LMOD3: variants seen among roughly 807,000 people sequenced by gnomAD.
LMOD3 encodes leiomodin-3.
LMOD3 carries 31 observed loss-of-function variants against 41.8 expected under a neutral mutation model. The ratio of observed to expected loss-of-function variants is 0.74; its 90% confidence interval spans 0.56 to 1.00. LMOD3 has a LOEUF of 1.00. Among genes scored for constraint, LMOD3 ranks in the 50% least tolerant of loss-of-function variants. The pLI is 0.00. For synonymous variants in LMOD3, 292 were observed against 241.9 expected (o/e 1.21, Z -1.92); for missense variants, 755 against 679.5 (o/e 1.11, Z -1.23).
chr3:69,109,063 T>C lies in LMOD3; in HGVS notation c.*32A>G, dbSNP rs921555866. On this transcript the variant is annotated 3_prime_UTR_variant, in exon 3 of 3. Coordinates refer to ENST00000420581, the MANE Select transcript of LMOD3 (RefSeq NM_198271.5). ...TGTAATCCAAGAGTCACTATTTCCA[T>C]TTCTTGTTCTTCTAGATGGCTCTGT... The C allele has an allele frequency of 6.3e-7, 1 of 1,574,888 alleles. No individual in the cohort carries two copies. The highest frequency in any genetic ancestry group is 2.3e-5 in the East Asian group (1 of 43,762).
chr3:69,114,996 G>A (rs2107523438), intron 2 of LMOD3, among the ~76,000 whole-genome samples: 1 of 152,230 alleles, frequency 6.6e-6, no homozygotes, highest in Admixed American at 6.5e-5. Flanking sequence ...CTCTTGTGTA[G>A]CTGGTACCAC....
chr3:69,118,277 C>G (rs577618070), intron 2 of LMOD3, among the ~76,000 whole-genome samples: 1 of 152,222 alleles, frequency 6.6e-6, no homozygotes, highest in South Asian at 2.1e-4. Context: ...GACTCAGAAC[C>G]GGGTTTCAAT....
At chr3:69,110,838 C>CAAAAAAAAAAAAAAAAAAAA (rs774402446) in intron 2 of LMOD3, among the ~76,000 whole-genome samples, 3 of 67,012 alleles carry the variant, frequency 4.5e-5, no homozygotes, top group African/African-American at 1.6e-4. Flanking sequence ...GACACCATCT[C>CAAAAAAAAAAAAAAAAAAAA]AAAAAAAAAA....
rs898638017 is a variant in LMOD3 at position 69,119,684 on chromosome 3, T to C, written c.671A>G (p.Asp224Gly). Residue 224 changes from aspartate to glycine, a missense_variant, in exon 2 of 3, where the codon GAC (aspartate) becomes GGC (glycine). Physicochemically the swap from Asp to Gly is moderately conservative, Grantham distance 94 (BLOSUM62 -1). Transcript: ENST00000420581. Reference protein sequence around the residue: ...SKLDPKKLALDTSFLKVSTRP... With the variant: ...SKLDPKKLALGTSFLKVSTRP... Reference sequence around the variant, plus strand: ...TGTACTTACCTTCAAAAAGCTGGTGTCTAGAGCTAACTTCTTAGGATCTAA... The same window carrying C: ...TGTACTTACCTTCAAAAAGCTGGTGCCTAGAGCTAACTTCTTAGGATCTAA... The C allele has an allele frequency of 1.2e-6, 2 of 1,614,006 alleles. No homozygotes were observed. The highest frequency in any genetic ancestry group is 1.7e-6 in the Non-Finnish European group (2 of 1,179,890).
chr3:69,119,714 G>C lies in LMOD3; in HGVS notation c.641C>G (p.Ser214Trp), dbSNP rs368487515. 2.5e-6 allele frequency: 4 copies of C among 1,613,676 alleles called. No individual in the cohort carries two copies. In the African/African-American group the frequency reaches 5.3e-5, roughly 22 times the overall value. The change falls in exon 2 of 3, where the codon TCG (serine) becomes TGG (tryptophan). Residue 214 changes from serine to tryptophan, a missense_variant. Transcript: ENST00000420581. Reference sequence around the variant, plus strand: ...AGCTAACTTCTTAGGATCTAATTTCGATATTTTTTTCTCACTTTGTTCTTG... The same window carrying C: ...AGCTAACTTCTTAGGATCTAATTTCCATATTTTTTTCTCACTTTGTTCTTG... ...EAQEQSEKKI[S>W]KLDPKKLALD... is the part of the protein sequence containing the mutation.
intron 2 of LMOD3, among the ~76,000 whole-genome samples, chr3:69,114,314 A>T (rs1200196871): frequency 6.6e-6 from 1 of 152,190 alleles, no homozygotes. Flanking sequence ...GCTTTACCAG[A>T]TCTGACCTCA....
chr3:69,119,773 T>C lies in LMOD3; in HGVS notation c.582A>G (p.Lys194=), dbSNP rs2092398102. 3 of 1,612,814 alleles carry C rather than the reference T, an allele frequency of 1.9e-6. 1 individual carries two copies. In the South Asian group the frequency reaches 3.3e-5, roughly 18 times the overall value. ...CENNCQQVTD[K]AFKEQRDRPE... Reference sequence around the variant, plus strand: ...GTCTGTCTCTCTGTTCTTTGAATGCTTTGTCAGTTACCTGCTGGCAGTTGT... The same window carrying C: ...GTCTGTCTCTCTGTTCTTTGAATGCCTTGTCAGTTACCTGCTGGCAGTTGT... Residue 194 remains lysine, a synonymous_variant, in exon 2 of 3, where the codon AAA becomes AAG. Coordinates refer to ENST00000420581, the MANE Select transcript of LMOD3 (RefSeq NM_198271.5).
intron 2 of LMOD3, among the ~76,000 whole-genome samples, chr3:69,116,313 C>T (rs538252786): frequency 2.4e-4 from 37 of 152,284 alleles, no homozygotes; most frequent in African/African-American, 8.7e-4. Flanking sequence ...GTAACTGAGA[C>T]ACATGCAAAC....
chr3:69,119,742 C>A lies in LMOD3; in HGVS notation c.613G>T (p.Ala205Ser). ...ATTTTTTTCTCACTTTGTTCTTGGGCCTCTGGTCTGTCTCTCTGTTCTTTG... is the reference window on the plus strand; with the variant it reads ...ATTTTTTTCTCACTTTGTTCTTGGGACTCTGGTCTGTCTCTCTGTTCTTTG... ...AFKEQRDRPE[A>S]QEQSEKKISK... Residue 205 changes from alanine to serine, a missense_variant, in exon 2 of 3, where the codon GCC (alanine) becomes TCC (serine). Coordinates refer to ENST00000420581, the MANE Select transcript of LMOD3 (RefSeq NM_198271.5). 6 of 1,613,790 alleles carry A rather than the reference C, an allele frequency of 3.7e-6. No homozygotes were observed. Among genetic ancestry groups the A allele is most frequent in the Non-Finnish European group, 4.2e-6 (5 of 1,179,822 alleles).
chr3:69,112,935 G>A (rs879734780), intron 2 of LMOD3, among the ~76,000 whole-genome samples: 2 of 152,132 alleles, frequency 1.3e-5, no homozygotes, highest in African/African-American at 4.8e-5. Context: ...ACACATCAAA[G>A]GCAAGCAATT....
chr3:69,115,855 G>A (rs777811890), intron 2 of LMOD3, among the ~76,000 whole-genome samples: 8 of 152,116 alleles, frequency 5.3e-5, no homozygotes, highest in South Asian at 2.1e-4. Flanking sequence ...TCTTAAAATC[G>A]ATGGTGTTTT....
chr3:69,122,216 T>G lies in LMOD3; in HGVS notation c.171A>C (p.Gln57His). ...SLPVGMIQKD[Q>H]TDKPPTGNFN... ...AGTTTCCTGTCGGTGGCTTGTCAGT[T>G]TGATCTTTCTGAATCATTCCCACGG... is the stretch of plus-strand genomic sequence containing the variant. The change falls in exon 1 of 3, where the codon CAA becomes CAC. Residue 57 changes from glutamine to histidine, a missense_variant. By Grantham distance (24) the Gln-to-His change is conservative. Coordinates refer to ENST00000420581, the MANE Select transcript of LMOD3 (RefSeq NM_198271.5). 2 of 1,613,632 alleles carry G rather than the reference T, an allele frequency of 1.2e-6. No individual in the cohort carries two copies. Among genetic ancestry groups the G allele is most frequent in the Non-Finnish European group, 1.7e-6 (2 of 1,179,792 alleles).
chr3:69,119,671 C>A lies in LMOD3; in HGVS notation c.684G>T (p.Leu228Phe). The change falls in exon 2 of 3, where the codon TTG becomes TTT. Residue 228 changes from leucine (L) to phenylalanine (F), a missense_variant. Leu to Phe is a conservative substitution (Grantham distance 22, BLOSUM62 0). Coordinates refer to ENST00000420581, the MANE Select transcript of LMOD3 (RefSeq NM_198271.5). ...PKKLALDTSF[L>F]KVSTRPSGNQ... ...TTCCTGAAGGCCTTGTACTTACCTT[C>A]AAAAAGCTGGTGTCTAGAGCTAACT... 1 of 1,613,936 alleles carries A rather than the reference C, an allele frequency of 6.2e-7. No homozygotes were observed. The highest frequency in any genetic ancestry group is 8.5e-7 in the Non-Finnish European group (1 of 1,179,862).
At chr3:69,110,853 A>AAAAAAAAAAAAAAAAAAAATATATAT (rs1458630453) in intron 2 of LMOD3, among the ~76,000 whole-genome samples, 1 of 104,120 alleles carries the variant, frequency 9.6e-6, no homozygotes, top group African/African-American at 4.8e-5. Flanking sequence ...AAAAAAAAAA[A>AAAAAAAAAAAAAAAAAAAATATATAT]ATATATATAT....
chr3:69,120,701 C>A (rs569874027), intron 1 of LMOD3, among the ~76,000 whole-genome samples: 1 of 151,464 alleles, frequency 6.6e-6, no homozygotes, highest in Non-Finnish European at 1.5e-5. Context: ...AGTTCTTTGA[C>A]AACTGCCATG....
At position 69,117,835 on chromosome 3, in the gene LMOD3, T is replaced by TTTG. The variant is rs796574103; in HGVS notation, c.1656+863_1656+864insCAA. ...AAACAACTGGCCCAATTTGGGTGGTTTTTTTTTTTTTTTTTTAGATGGAGT... is the reference window on the plus strand; with the variant it reads ...AAACAACTGGCCCAATTTGGGTGGTTTTGTTTTTTTTTTTTTTTTAGATGGAGT... On this transcript the variant is annotated intron_variant, in intron 2 of 2. Coordinates refer to ENST00000420581, the MANE Select transcript of LMOD3 (RefSeq NM_198271.5). Among the ~76,000 whole-genome samples, 307 of 145,208 alleles carry TTTG rather than the reference T, an allele frequency of 2.1e-3. 2 individuals carry two copies. The highest frequency in any genetic ancestry group is 7.5e-3 in the African/African-American group (298 of 39,950).
Position 69,108,347 on chromosome 3 carries a change from T to C in LMOD3, c.*748A>G, listed in dbSNP as rs1209882486. The C allele has an allele frequency of 6.6e-6, 1 of 152,202 alleles. No individual in the cohort carries two copies. Among genetic ancestry groups the C allele is most frequent in the Non-Finnish European group, 1.5e-5 (1 of 68,020 alleles). 9.4% of individuals were successfully genotyped at this position (152,202 alleles called of 1,614,324 possible). On this transcript the variant is annotated 3_prime_UTR_variant, in exon 3 of 3. Transcript: ENST00000420581. ...CATGCTGTCTCCCATTGTCCCTCTA[T>C]ATATGAAAACTTGCTGCCAGGAAGT...
intron 2 of LMOD3, among the ~76,000 whole-genome samples, chr3:69,111,789 A>G (rs775402599): frequency 6.6e-6 from 1 of 152,154 alleles, no homozygotes; most frequent in Non-Finnish European, 1.5e-5. Flanking sequence ...AGAATAGTAA[A>G]CCCAGACACA....
At chr3:69,113,044 T>C (rs1441246292) in intron 2 of LMOD3, among the ~76,000 whole-genome samples, 1 of 152,238 alleles carries the variant, frequency 6.6e-6, no homozygotes, top group Non-Finnish European at 1.5e-5. Flanking sequence ...AATTGTAACA[T>C]TTCCAAAGCT....
Sources: gnomAD v4.1 joint callset for allele counts (sites outside exome capture counted in the v4.1 genomes callset) on GRCh38, gnomAD v4.1.1 for gene constraint, MANE v1.5 for transcripts, NCBI Gene and HGNC (gene_info 2026-07-23, HGNC 2026-07-21) for gene names.